The following FOXP2 variants were observed in gnomAD, a reference collection of about 807,000 sequenced individuals.
FOXP2 encodes the protein forkhead box P2.
In FOXP2, 12 loss-of-function variants were observed where a neutral mutation model predicts 115.8. The ratio of observed to expected loss-of-function variants is 0.10; its 90% CI spans 0.07 to 0.17. The LOEUF is 0.17. FOXP2 is among the 10% of genes least tolerant of loss of function. The probability of loss-of-function intolerance (pLI) is 1.00; values close to 1 mark genes in which losing one functional copy is unlikely to be tolerated. For synonymous variants in FOXP2, 328 were observed against 297.7 expected (o/e 1.10, Z -1.05); for missense variants, 629 against 843.5 (o/e 0.75, Z 3.15).
At chr7:114,396,478 C>T (rs1357516656) in intron 2 of FOXP2, among the ~76,000 whole-genome samples, 1 of 152,116 alleles carries the variant, frequency 6.6e-6, no homozygotes, top group Non-Finnish European at 1.5e-5. Context: ...CTCTCTTCAA[C>T]ATACTGATTT....
intron 3 of FOXP2, among the ~76,000 whole-genome samples, chr7:114,616,223 C>T (rs796583774): frequency 6.6e-5 from 10 of 151,746 alleles, no homozygotes; most frequent in East Asian, 2.0e-4. Context: ...AGTGCAGTGG[C>T]GCAGTCTTGG....
intron 2 of FOXP2, among the ~76,000 whole-genome samples, chr7:114,330,506 A>G (rs146271353): frequency 0.02 from 2,926 of 149,574 alleles, 43 homozygotes; most frequent in Non-Finnish European, 0.031. Context: ...ATGTGTATAT[A>G]TATATATGTA....
At chr7:114,144,515 A>C (rs1247063413) in intron 1 of FOXP2, among the ~76,000 whole-genome samples, 1 of 152,144 alleles carries the variant, frequency 6.6e-6, no homozygotes, top group African/African-American at 2.4e-5. Flanking sequence ...TTTAAACCTC[A>C]AGCAGTTTGT....
At chr7:114,200,808 T>G (rs1447171405) in intron 1 of FOXP2, among the ~76,000 whole-genome samples, 2 of 152,186 alleles carry the variant, frequency 1.3e-5, no homozygotes, top group African/African-American at 4.8e-5. Context: ...CGTCTATCAC[T>G]CAAAATCTTT....
At chr7:114,391,694 A>T (rs1453249330) in intron 2 of FOXP2, among the ~76,000 whole-genome samples, 1 of 152,240 alleles carries the variant, frequency 6.6e-6, no homozygotes, top group Admixed American at 6.5e-5. Context: ...TTCAGAAGAC[A>T]CAAACCATAA....
At chr7:114,558,978 T>C (rs1800609834) in intron 3 of FOXP2, among the ~76,000 whole-genome samples, 1 of 152,146 alleles carries the variant, frequency 6.6e-6, no homozygotes, top group Non-Finnish European at 1.5e-5. Flanking sequence ...AATTATTATA[T>C]ATGTTAAATT....
At chr7:114,113,457 C>T (rs1791325953) in intron 1 of FOXP2, among the ~76,000 whole-genome samples, 2 of 152,188 alleles carry the variant, frequency 1.3e-5, no homozygotes, top group South Asian at 4.1e-4. Context: ...TTATAGCTCA[C>T]TGCAGCCTTG....
intron 1 of FOXP2, among the ~76,000 whole-genome samples, chr7:114,185,234 G>C (rs1205362114): frequency 6.6e-6 from 1 of 151,500 alleles, no homozygotes; most frequent in Non-Finnish European, 1.5e-5. Flanking sequence ...CAGTTTTTTG[G>C]CTCCTTCAGA....
chr7:114,414,797 G>A (rs1793259654), upstream of FOXP2: 3 of 302,986 alleles, frequency 9.9e-6, no homozygotes, highest in Non-Finnish European at 2.0e-5. Context: ...AATAAGGGAA[G>A]CAAGAAGTGT....
Position 114,476,890 on chromosome 7 carries a change from A to G in FOXP2, c.168+50211A>G, listed in dbSNP as rs1796295135. On this transcript the variant is annotated intron_variant, in intron 2 of 16. Transcript: ENST00000350908. ...TTGTAGCTACTGTAAATGGCCAAATAATATGCAAAAGTGCTCAGCATCACT... is the reference window on the plus strand; with the variant it reads ...TTGTAGCTACTGTAAATGGCCAAATGATATGCAAAAGTGCTCAGCATCACT... Among the ~76,000 whole-genome samples the G allele has an allele frequency of 2.0e-5, 3 of 152,116 alleles. No individual in the cohort carries two copies. In the South Asian group the frequency reaches 6.2e-4, roughly 31 times the overall value.
At chr7:114,458,894 G>A (rs2129223540) in intron 2 of FOXP2, among the ~76,000 whole-genome samples, 1 of 152,146 alleles carries the variant, frequency 6.6e-6, no homozygotes, top group African/African-American at 2.4e-5. Flanking sequence ...TGATTCTGTG[G>A]ACCGAGGGAG....
intron 9 of FOXP2, among the ~76,000 whole-genome samples, chr7:114,652,875 T>TA (rs747321894): frequency 1.1e-4 from 17 of 152,050 alleles, no homozygotes; most frequent in East Asian, 1.9e-4. Context: ...TGTTTTAAGT[T>TA]AAAAAAAATT....
intron 2 of FOXP2, among the ~76,000 whole-genome samples, chr7:114,443,135 C>A (rs1794680719): frequency 6.6e-6 from 1 of 152,182 alleles, no homozygotes; most frequent in Non-Finnish European, 1.5e-5. Context: ...TGCCCTGAAA[C>A]TTTTCAAAAT....
At chr7:114,100,589 C>G (rs549286625) in intron 1 of FOXP2, among the ~76,000 whole-genome samples, 8 of 151,930 alleles carry the variant, frequency 5.3e-5, no homozygotes, top group African/African-American at 1.7e-4. Flanking sequence ...AATTCTAATT[C>G]TTTTATTTAT....
At chr7:114,518,451 G>A (rs1798450536) in intron 2 of FOXP2, among the ~76,000 whole-genome samples, 1 of 151,980 alleles carries the variant, frequency 6.6e-6, no homozygotes, top group African/African-American at 2.4e-5. Flanking sequence ...GTGTAATAAA[G>A]GTAATATTCT....
At chr7:114,217,608 A>C (rs1021498695) in intron 1 of FOXP2, among the ~76,000 whole-genome samples, 10 of 152,308 alleles carry the variant, frequency 6.6e-5, no homozygotes, top group Admixed American at 6.5e-4. Flanking sequence ...GATATGTCAG[A>C]TATTTTATGG....
At chr7:114,439,843 C>T (rs1399068124) in intron 2 of FOXP2, among the ~76,000 whole-genome samples, 1 of 152,052 alleles carries the variant, frequency 6.6e-6, no homozygotes, top group Non-Finnish European at 1.5e-5. Flanking sequence ...ACAAGTGCTG[C>T]TGTTACAGAC....
chr7:114,516,029 T>A (rs1273185241), intron 2 of FOXP2, among the ~76,000 whole-genome samples: 1 of 152,158 alleles, frequency 6.6e-6, no homozygotes. Context: ...AAGCTACCAA[T>A]GACTTTCTTC....
chr7:114,511,072 G>A (rs568275790), intron 2 of FOXP2, among the ~76,000 whole-genome samples: 4 of 152,212 alleles, frequency 2.6e-5, no homozygotes, highest in East Asian at 1.9e-4. Context: ...GGATGAAGCT[G>A]GAAACCATCA....
Sources: gnomAD v4.1 joint callset for allele counts (sites outside exome capture counted in the v4.1 genomes callset) on GRCh38, gnomAD v4.1.1 for gene constraint, MANE v1.5 for transcripts, NCBI Gene and HGNC (gene_info 2026-07-23, HGNC 2026-07-21) for gene names.